The following NLRX1 variants were observed in gnomAD, a reference collection of about 807,000 sequenced individuals.
NLRX1 encodes the protein NLR family member X1, also known as NOD-like receptor X1.
NLRX1 carries 67 observed loss-of-function variants against 74.2 expected under a neutral mutation model. The observed-to-expected ratio is 0.90, with a 90% CI of 0.74 to 1.11. The LOEUF (loss-of-function observed/expected upper bound fraction) is 1.11, where lower values mean the gene tolerates loss of function less well. Among genes scored for constraint, NLRX1 ranks in the 50% least tolerant of loss-of-function variants. The pLI is 0.00. For missense variants in NLRX1, 1,191 were observed against 1,305.4 expected (o/e 0.91, Z 1.35); for synonymous variants, 506 against 559.1 (o/e 0.91, Z 1.34).
Position 119,179,921 on chromosome 11 carries a change from C to T in NLRX1, c.1900C>T (p.His634Tyr), listed in dbSNP as rs776562045. 12 of 1,611,510 alleles carry T rather than the reference C, an allele frequency of 7.4e-6. No individual in the cohort carries two copies. Among genetic ancestry groups the T allele is most frequent in the Non-Finnish European group, 9.3e-6 (11 of 1,178,182 alleles). ...GTTCATGGGGGGGCTTCTCTCTGCC[C>T]ACAACCGAGCTGTGCTAGCTCAGCT... ...PMFMGGLLSA[H>Y]NRAVLAQLGC... Residue 634 changes from histidine (H) to tyrosine (Y), a missense_variant, in exon 7 of 10, where the codon CAC becomes TAC. Transcript: ENST00000409109.
rs946356017 is a variant in NLRX1, at chr11:119,181,263, T to A, written c.2354+6T>A. On this transcript the variant is annotated splice_donor_region_variant and intron_variant, in intron 8 of 9. Transcript: ENST00000409109. ...TGCCAAATTACCACACTGCGGTGAG[T>A]GACCTGGGAGTGGGGCATCCTGGTG... 1 of 1,611,194 alleles carries A rather than the reference T, an allele frequency of 6.2e-7. No homozygotes were observed.
At position 119,172,998 on chromosome 11, in the gene NLRX1, A is replaced by G. The variant is rs1565825362; in HGVS notation, c.229+9A>G. 1 of 1,609,404 alleles carries G rather than the reference A, an allele frequency of 6.2e-7. No individual in the cohort carries two copies. On this transcript the variant is annotated intron_variant, in intron 4 of 9. Transcript: ENST00000409109. ...CAGCGCCTCTGCAACTGGTAAAGGG[A>G]CTGGCTGGGACCCTGGTCAGGGGGT...
At chr11:119,175,397 T>C in intron 6 of NLRX1, 123 bp downstream of exon 6, 1 of 807,804 alleles carries the variant, frequency 1.2e-6, no homozygotes, top group Non-Finnish European at 1.9e-6. Flanking sequence ...AAACTGCTGC[T>C]TCCTGCAAAG....
rs145787119 is a variant in NLRX1 at position 119,175,337 on chromosome 11, C to A, written c.1671+63C>A. The A allele has an allele frequency of 7.8e-6, 11 of 1,416,234 alleles. No homozygotes were observed. The African/African-American group carries it at 1.3e-4, about 16-fold the overall frequency. 87.7% of individuals were successfully genotyped at this position (1,416,234 alleles called of 1,614,324 possible). On this transcript the variant is annotated intron_variant, in intron 6 of 9. Transcript: ENST00000409109. ...TTCCCTCCCCAGCACCCCAAGCCGCCCACGCCCCCACATGGTTCCCTGTTC... is the reference window on the plus strand; with the variant it reads ...TTCCCTCCCCAGCACCCCAAGCCGCACACGCCCCCACATGGTTCCCTGTTC...
Position 119,179,923 on chromosome 11 carries a change from CA to C in NLRX1, c.1904del (p.Asn635ThrfsTer5), listed in dbSNP as rs1565833209. On this transcript the variant is annotated frameshift_variant, in exon 7 of 10. Transcript: ENST00000409109. LOFTEE classifies it high-confidence loss of function. Reference protein sequence around the residue: ...MFMGGLLSAHNRAVLAQLGCP... With the variant: ...MFMGGLLSAHXRAVLAQLGCP... The stretch of plus-strand genomic sequence containing the variant: ...TCATGGGGGGGCTTCTCTCTGCCCA[CA>C]ACCGAGCTGTGCTAGCTCAGCTTGG... The C allele has an allele frequency of 6.2e-7, 1 of 1,611,970 alleles. No individual in the cohort carries two copies. The highest frequency in any genetic ancestry group is 8.5e-7 in the Non-Finnish European group (1 of 1,178,402).
At chr11:119,171,954 C>CAA (rs555636753) in intron 2 of NLRX1, among the ~76,000 whole-genome samples, 2 of 135,114 alleles carry the variant, frequency 1.5e-5, no homozygotes, top group African/African-American at 2.7e-5. Flanking sequence ...GACTCTGTCT[C>CAA]AAAAAAAAAA....
rs767847604 is a variant in NLRX1, at chr11:119,181,231, T to C, written c.2328T>C (p.His776=). ...ACKDLRDLLL[H]DQCQITTLRL... ...AGGACCTCCGAGACCTGTTGCTGCA[T>C]GACCAGTGCCAAATTACCACACTGC... is the stretch of plus-strand genomic sequence containing the variant. The change falls in exon 8 of 10, where the codon CAT becomes CAC. Residue 776 remains histidine, a synonymous_variant. Transcript: ENST00000409109. 3 of 1,613,364 alleles carry C rather than the reference T, an allele frequency of 1.9e-6. No homozygotes were observed. The African/African-American group carries it at 4.0e-5, about 22-fold the overall frequency.
chr11:119,182,886 C>CAA (rs200343163), intron 9 of NLRX1, among the ~76,000 whole-genome samples: 8 of 142,040 alleles, frequency 5.6e-5, no homozygotes, highest in South Asian at 2.2e-4. Context: ...GACTCCATCT[C>CAA]AAAAAAAACA....
Position 119,173,289 on chromosome 11 carries a change from C to G in NLRX1, c.230-190C>G, listed in dbSNP as rs1565825548. ...AACCAGTTTGTCCAGTGGCTTCCCA[C>G]TTTCTGACATAGGGGTTCCAGACTT... On this transcript the variant is annotated intron_variant, in intron 4 of 9. Coordinates refer to ENST00000409109, the MANE Select transcript of NLRX1 (RefSeq NM_001282144.2). This position sits in a 1 kb window ranked among gnomAD's most constrained non-coding sequence, Gnocchi z 4.0. 2 of 725,472 alleles carry G rather than the reference C, an allele frequency of 2.8e-6. No individual in the cohort carries two copies. Among genetic ancestry groups the G allele is most frequent in the African/African-American group, 3.5e-5 (2 of 56,344 alleles). 44.9% of individuals were successfully genotyped at this position (725,472 alleles called of 1,614,324 possible).
Position 119,171,378 on chromosome 11 carries a change from C to G in NLRX1, c.-26C>G. 1 of 1,613,066 alleles carries G rather than the reference C, an allele frequency of 6.2e-7. No individual in the cohort carries two copies. The highest frequency in any genetic ancestry group is 8.5e-7 in the Non-Finnish European group (1 of 1,179,764). On this transcript the variant is annotated 5_prime_UTR_variant, in exon 2 of 10. Transcript: ENST00000409109. Reference sequence around the variant, plus strand: ...CAGGACAGAAGTCGGTCCTAGGCCCCCCAGGCTCTGACCTTCTTTCCCAGG... The same window carrying G: ...CAGGACAGAAGTCGGTCCTAGGCCCGCCAGGCTCTGACCTTCTTTCCCAGG...
chr11:119,171,675 A>T (rs535310957), intron 2 of NLRX1, among the ~76,000 whole-genome samples: 2 of 152,244 alleles, frequency 1.3e-5, no homozygotes, highest in African/African-American at 4.8e-5. Flanking sequence ...GGACTTGGCC[A>T]GGTGCGGTGG....
rs1390912045 is a variant in NLRX1, at chr11:119,173,307, C to G, written c.230-172C>G. On this transcript the variant is annotated intron_variant, in intron 4 of 9. Transcript: ENST00000409109. The surrounding 1 kb of genome is among the most constrained non-coding windows in gnomAD (Gnocchi z 4.0). ...CTTCCCACTTTCTGACATAGGGGTT[C>G]CAGACTTTCTGGACAGTCTATATTT... is the stretch of plus-strand genomic sequence containing the variant. 2.6e-6 allele frequency: 2 copies of G among 779,622 alleles called. No homozygotes were observed. Among genetic ancestry groups the G allele is most frequent in the African/African-American group, 3.5e-5 (2 of 57,562 alleles). 48.3% of individuals were successfully genotyped at this position (779,622 alleles called of 1,614,324 possible). A position where few individuals can be genotyped will look rare whatever the true frequency, so the allele number is the denominator to read the frequency against.
In NLRX1 at chr11:119,180,153, T is replaced by C; in HGVS notation, c.2132T>C (p.Val711Ala). The stretch of plus-strand genomic sequence containing the variant: ...CTGGCAGGTGTGCGCATGACACCAG[T>C]CAAGTGCACAGTGGTGGCAGCTGTG... ...LNLAGVRMTPVKCTVVAAVLG... is the reference protein window; with the variant it reads ...LNLAGVRMTPAKCTVVAAVLG... Residue 711 changes from valine (V) to alanine (A), a missense_variant, in exon 7 of 10, where the codon GTC becomes GCC. Val to Ala is a moderately conservative substitution (Grantham distance 64, BLOSUM62 0). Transcript: ENST00000409109. 2 of 1,613,468 alleles carry C rather than the reference T, an allele frequency of 1.2e-6. 1 individual carries two copies.
chr11:119,173,007 G>A lies in NLRX1; in HGVS notation c.229+18G>A. ...TGCAACTGGTAAAGGGACTGGCTGG[G>A]ACCCTGGTCAGGGGGTGTGGTGGGC... is the stretch of plus-strand genomic sequence containing the variant. On this transcript the variant is annotated intron_variant, in intron 4 of 9. Coordinates refer to ENST00000409109, the MANE Select transcript of NLRX1 (RefSeq NM_001282144.2). This position sits in a 1 kb window ranked among gnomAD's most constrained non-coding sequence, Gnocchi z 4.0. 6.2e-7 allele frequency: 1 copy of A among 1,603,538 alleles called. No homozygotes were observed. Among genetic ancestry groups the A allele is most frequent in the Non-Finnish European group, 8.5e-7 (1 of 1,173,680 alleles).
rs1565828050 is a variant in NLRX1, at chr11:119,174,608, TGGC to T, written c.1008_1010del (p.Gly337del). On this transcript the variant is annotated inframe_deletion, in exon 6 of 10. Transcript: ENST00000409109. The stretch of plus-strand genomic sequence containing the variant: ...ACCAGCCGTACTGCGGGTATGCCGT[TGGC>T]GGTTCAGGTGTCTCTGCCACACCAG... 1.2e-6 allele frequency: 2 copies of T among 1,614,148 alleles called. No homozygotes were observed. The highest frequency in any genetic ancestry group is 1.7e-5 in the Admixed American group (1 of 60,026).
At position 119,174,670 on chromosome 11, in the gene NLRX1, G is replaced by A. The variant is rs1307265597; in HGVS notation, c.1067G>A (p.Arg356Gln). ...QRDHLVQMLS[R>Q]NLEGHHQIAA... ...GACCACCTGGTGCAGATGCTCTCCC[G>A]GAACCTGGAGGGGCACCACCAGATA... The change falls in exon 6 of 10, where the codon CGG (arginine) becomes CAG (glutamine). Residue 356 changes from arginine to glutamine, a missense_variant. Physicochemically the swap from Arg to Gln is conservative, Grantham distance 43. Transcript: ENST00000409109. 3.1e-6 allele frequency: 5 copies of A among 1,613,838 alleles called. No individual in the cohort carries two copies. The highest frequency in any genetic ancestry group is 2.2e-5 in the South Asian group (2 of 91,090).
intron 2 of NLRX1, 69 bp from the exon 3 acceptor site, chr11:119,172,287 T>C (rs1948569635): frequency 1.6e-6 from 2 of 1,224,844 alleles, no homozygotes; most frequent in African/African-American, 1.5e-5. Flanking sequence ...TACTGGGGGG[T>C]TTGATGTAGA....
In NLRX1 at chr11:119,180,236, C is replaced by T. The variant is rs45562142; in HGVS notation, c.2215C>T (p.Pro739Ser). Reference protein sequence around the residue: ...EVNLASCQLDPAGLRTLLPVF... With the variant: ...EVNLASCQLDSAGLRTLLPVF... ...GAACTTGGCCTCCTGCCAGCTAGAT[C>T]CTGCTGGGCTGCGCACACTCCTGCC... The change falls in exon 7 of 10, where the codon CCT becomes TCT. Residue 739 changes from proline to serine, a missense_variant. Pro to Ser is a moderately conservative substitution (Grantham distance 74). Transcript: ENST00000409109. 1 of 1,609,166 alleles carries T rather than the reference C, an allele frequency of 6.2e-7. No homozygotes were observed. The highest frequency in any genetic ancestry group is 8.5e-7 in the Non-Finnish European group (1 of 1,176,726).
chr11:119,173,041 C>A lies in NLRX1; in HGVS notation c.229+52C>A. 1 of 1,420,288 alleles carries A rather than the reference C, an allele frequency of 7.0e-7. No homozygotes were observed. The allele number at this position is 1,420,288 out of a possible 1,614,324, so 88.0% of individuals were successfully genotyped here. ...CAGGGGGTGTGGTGGGCAGACGGGG[C>A]TGGAAGGAGAAGCAGGGTGAGGGAG... On this transcript the variant is annotated intron_variant, in intron 4 of 9. Transcript: ENST00000409109. This position sits in a 1 kb window ranked among gnomAD's most constrained non-coding sequence, Gnocchi z 4.0.
Sources: gnomAD v4.1 joint callset for allele counts (sites outside exome capture counted in the v4.1 genomes callset) on GRCh38, gnomAD v4.1.1 for gene constraint, Gnocchi (gnomAD v3.1) non-coding constraint, MANE v1.5 for transcripts, NCBI Gene and HGNC (gene_info 2026-07-23, HGNC 2026-07-21) for gene names.